STKLD1: variants seen among roughly 807,000 people sequenced by gnomAD.
The protein encoded by STKLD1 is serine/threonine kinase-like domain-containing protein STKLD1.
Under a neutral mutation model 80.4 loss-of-function variants are expected in STKLD1, and 79 were observed. The ratio of observed to expected loss-of-function variants is 0.98; its 90% confidence interval spans 0.82 to 1.19. The LOEUF (loss-of-function observed/expected upper bound fraction) is 1.19. Ranked by LOEUF, STKLD1 falls within the 50% of genes most tolerant of loss-of-function variation. The probability of loss-of-function intolerance (pLI) is 0.00; values close to 1 mark genes in which losing one functional copy is unlikely to be tolerated. For missense variants in STKLD1, 841 were observed against 856.0 expected (o/e 0.98, Z 0.22); for synonymous variants, 393 against 357.6 (o/e 1.10, Z -1.12).
At position 133,405,714 on chromosome 9, in the gene STKLD1, C is replaced by T. The variant is rs2130696579; in HGVS notation, c.*293C>T. ...GGCTGGAGGCAGCCACCTCTCCCAG[C>T]CCACTGGGTGGGGAAGCAGCTCAGC... On this transcript the variant is annotated 3_prime_UTR_variant, in exon 18 of 18. Coordinates refer to ENST00000371957, the MANE Select transcript of STKLD1 (RefSeq NM_153710.5). 1.1e-5 allele frequency: 3 copies of T among 275,264 alleles called. No homozygotes were observed. The highest frequency in any genetic ancestry group is 2.1e-5 in the Non-Finnish European group (3 of 145,436). The allele number at this position is 275,264 out of a possible 1,614,324, so 17.1% of individuals were successfully genotyped here.
In STKLD1 at chr9:133,394,684, G is replaced by A; in HGVS notation, c.702+275G>A. ...CAGCAGCCCTCCAGGTGGTGTCACTGACTCTTGATGGAGAAAAGCCAAGTT... is the reference window on the plus strand; with the variant it reads ...CAGCAGCCCTCCAGGTGGTGTCACTAACTCTTGATGGAGAAAAGCCAAGTT... On this transcript the variant is annotated intron_variant, in intron 8 of 17. Coordinates refer to ENST00000371957, the MANE Select transcript of STKLD1 (RefSeq NM_153710.5). The surrounding 1 kb of genome is among the most constrained non-coding windows in gnomAD (Gnocchi z 4.9). 1 of 439,864 alleles carries A rather than the reference G, an allele frequency of 2.3e-6. No individual in the cohort carries two copies. Among genetic ancestry groups the A allele is most frequent in the Non-Finnish European group, 4.2e-6 (1 of 240,008 alleles). 27.2% of individuals were successfully genotyped at this position (439,864 alleles called of 1,614,324 possible). A position where few individuals can be genotyped will look rare whatever the true frequency, so the allele number is the denominator to read the frequency against.
rs142464928 is a variant in STKLD1, at chr9:133,404,970, G to A, written c.1873+41G>A. On this transcript the variant is annotated intron_variant, in intron 17 of 17. Coordinates refer to ENST00000371957, the MANE Select transcript of STKLD1 (RefSeq NM_153710.5). ...CACCTCACACTCCCTAGAGCCCAGC[G>A]GTCAGGGGTGCCCCGCTCCCCCTAT... 240 of 1,602,804 alleles carry A rather than the reference G, an allele frequency of 1.5e-4. 3 individuals are homozygous for A. Among genetic ancestry groups the A allele is most frequent in the South Asian group, 4.5e-4 (40 of 89,862 alleles).
chr9:133,402,235 C>T (rs954259052), intron 13 of STKLD1, among the ~76,000 whole-genome samples: 9 of 152,264 alleles, frequency 5.9e-5, no homozygotes, highest in South Asian at 2.1e-4. Context: ...AGTGGGCTTC[C>T]GAAGCCTCCA....
intron 2 of STKLD1, among the ~76,000 whole-genome samples, chr9:133,380,578 G>A (rs1292474582): frequency 1.3e-5 from 2 of 152,058 alleles, no homozygotes; most frequent in African/African-American, 2.4e-5. Flanking sequence ...GCTTGAACCC[G>A]GGCGGCGGAG....
intron 1 of STKLD1, 40 bp downstream of exon 1, chr9:133,376,600 G>A (rs1292113615): frequency 2.0e-6 from 3 of 1,523,262 alleles, no homozygotes; most frequent in Admixed American, 2.2e-5. Context: ...AGCTCCGTGG[G>A]GTAACGGTCG....
chr9:133,391,089 G>T (rs1034311081), intron 7 of STKLD1, among the ~76,000 whole-genome samples: 1 of 152,208 alleles, frequency 6.6e-6, no homozygotes, highest in Non-Finnish European at 1.5e-5. Flanking sequence ...GGAGGGAAAA[G>T]AAAGTGTCAG....
rs978105450 is a variant in STKLD1, at chr9:133,401,881, G to A, written c.1339+3G>A. 4 of 1,612,740 alleles carry A rather than the reference G, an allele frequency of 2.5e-6. No homozygotes were observed. The highest frequency in any genetic ancestry group is 1.7e-5 in the Admixed American group (1 of 59,992). On this transcript the variant is annotated splice_donor_region_variant and intron_variant, in intron 13 of 17. Transcript: ENST00000371957. Reference sequence around the variant, plus strand: ...GCTAGCCATCACCACAACCCAGGGTGTGTCTGCCAGCCACCTCCTGCCCCA... The same window carrying A: ...GCTAGCCATCACCACAACCCAGGGTATGTCTGCCAGCCACCTCCTGCCCCA...
rs1215776486 is a variant in STKLD1 at position 133,390,243 on chromosome 9, ACACACACAC to A, written c.468-434_468-426del. Among the ~76,000 whole-genome samples, 1 of 104,956 alleles carries A rather than the reference ACACACACAC, an allele frequency of 9.5e-6. No individual in the cohort carries two copies. Among genetic ancestry groups the A allele is most frequent in the African/African-American group, 4.0e-5 (1 of 24,924 alleles). The allele number at this position is 104,956 out of a possible 152,430, so 68.9% of individuals were successfully genotyped here. ...CACACACACACACACACACACACAC[ACACACACAC>A]CACGCAGACCATACGTACAAAGGGA... On this transcript the variant is annotated intron_variant, in intron 6 of 17. Transcript: ENST00000371957. The surrounding 1 kb of genome is among the most constrained non-coding windows in gnomAD (Gnocchi z 5.1).
intron 2 of STKLD1, among the ~76,000 whole-genome samples, chr9:133,383,308 G>A (rs1210009749): frequency 1.5e-3 from 1 of 662 alleles, no homozygotes; most frequent in Non-Finnish European, 3.0e-3. Context: ...TGGTGGTAAT[G>A]GTGGTGGTGT....
At chr9:133,379,924 G>A (rs2130262337) in intron 2 of STKLD1, among the ~76,000 whole-genome samples, 1 of 152,370 alleles carries the variant, frequency 6.6e-6, no homozygotes, top group South Asian at 2.1e-4. Flanking sequence ...GTATGGCTGG[G>A]CCTGGAGTCC....
chr9:133,401,028 T>C (rs587644699), intron 12 of STKLD1, among the ~76,000 whole-genome samples: 1 of 152,284 alleles, frequency 6.6e-6, no homozygotes, highest in Admixed American at 6.5e-5. Flanking sequence ...TTCATTTCAC[T>C]GTCCTGATGG....
At chr9:133,404,394 A>C (rs1838788368) in intron 16 of STKLD1, among the ~76,000 whole-genome samples, 1 of 152,166 alleles carries the variant, frequency 6.6e-6, no homozygotes, top group Non-Finnish European at 1.5e-5. Context: ...CCTGCCTGTT[A>C]CTCAGCTAGA....
intron 7 of STKLD1, among the ~76,000 whole-genome samples, chr9:133,392,883 AT>A (rs1222254976): frequency 0.14 from 2,600 of 18,580 alleles, 202 homozygotes; most frequent in African/African-American, 0.23. Context: ...GGGTTAGTGG[AT>A]TGGATGGATG....
chr9:133,397,833 G>T (rs1838600813), intron 10 of STKLD1, 139 bp from the exon 11 acceptor site: 6 of 652,308 alleles, frequency 9.2e-6, no homozygotes, highest in Non-Finnish European at 1.6e-5. Flanking sequence ...GATGGTAACA[G>T]CCCCTCCCTC....
At chr9:133,386,901 T>G (rs2130278331) in intron 4 of STKLD1, among the ~76,000 whole-genome samples, 9 of 152,130 alleles carry the variant, frequency 5.9e-5, no homozygotes, top group African/African-American at 2.2e-4. Flanking sequence ...CCTCACACGC[T>G]CCCTCTGCTC....
At chr9:133,388,680 T>C (rs889684618) in intron 5 of STKLD1, 1 of 893,002 alleles carries the variant, frequency 1.1e-6, no homozygotes, top group Non-Finnish European at 1.3e-6. Flanking sequence ...ATCATGAAGA[T>C]ACTCTCCTCT....
chr9:133,376,856 C>T (rs1194687015), intron 1 of STKLD1, among the ~76,000 whole-genome samples: 7 of 152,186 alleles, frequency 4.6e-5, no homozygotes, highest in African/African-American at 1.7e-4. Flanking sequence ...CTTGGGTCCA[C>T]CGAGGCAGGA....
intron 1 of STKLD1, 100 bp from the exon 2 acceptor site, chr9:133,378,936 C>A: frequency 9.7e-7 from 1 of 1,025,762 alleles, no homozygotes; most frequent in Non-Finnish European, 1.5e-6. Flanking sequence ...GCCAGCCTGA[C>A]AGGGGAGTTA....
At chr9:133,382,102 C>T (rs1002603795) in intron 2 of STKLD1, among the ~76,000 whole-genome samples, 6 of 152,222 alleles carry the variant, frequency 3.9e-5, no homozygotes, top group Non-Finnish European at 7.3e-5. Flanking sequence ...CCACCCTTCC[C>T]TTTCCATGCC....
Sources: allele counts gnomAD v4.1 joint callset (sites outside exome capture counted in the v4.1 genomes callset), GRCh38; gene constraint gnomAD v4.1.1; non-coding constraint Gnocchi (gnomAD v3.1); transcripts MANE v1.5; gene names NCBI Gene and HGNC (gene_info 2026-07-23, HGNC 2026-07-21).